DNAJC6: variants seen among roughly 807,000 people sequenced by gnomAD.
The protein encoded by DNAJC6 is auxilin.
In DNAJC6, 34 loss-of-function variants were observed where a neutral mutation model predicts 110.0. That is an observed-to-expected ratio of 0.31 (90% CI 0.24 to 0.41). The LOEUF is 0.41. DNAJC6 is among the 10% of genes least tolerant of loss of function. The probability of loss-of-function intolerance (pLI) is 1.00; values close to 1 mark genes in which losing one functional copy is unlikely to be tolerated. For missense variants in DNAJC6, 1,031 were observed against 1,207.8 expected (o/e 0.85, Z 2.17); for synonymous variants, 406 against 437.2 (o/e 0.93, Z 0.89).
chr1:65,301,320 C>T (rs1644976259), intron 1 of DNAJC6, among the ~76,000 whole-genome samples: 1 of 150,998 alleles, frequency 6.6e-6, no homozygotes, highest in Non-Finnish European at 1.5e-5. Flanking sequence ...ATCAAATGGG[C>T]ACTTCCCCCC....
At chr1:65,312,519 T>G (rs1270027692) in intron 1 of DNAJC6, among the ~76,000 whole-genome samples, 1 of 152,238 alleles carries the variant, frequency 6.6e-6, no homozygotes, top group Non-Finnish European at 1.5e-5. Flanking sequence ...TTCAACTGAT[T>G]GTACTGTGAC....
chr1:65,342,410 T>G (rs1410289500), intron 1 of DNAJC6, among the ~76,000 whole-genome samples: 1 of 152,168 alleles, frequency 6.6e-6, no homozygotes, highest in Non-Finnish European at 1.5e-5. Context: ...AGAACTTGCT[T>G]GTCTCTTTCA....
chr1:65,349,359 A>G (rs1456373003), intron 1 of DNAJC6, among the ~76,000 whole-genome samples: 2 of 151,960 alleles, frequency 1.3e-5, no homozygotes, highest in African/African-American at 4.8e-5. Flanking sequence ...TTTCAGATGC[A>G]TTAAGAGAAG....
intron 1 of DNAJC6, among the ~76,000 whole-genome samples, chr1:65,275,422 CCTTT>C (rs1408988140): frequency 6.6e-6 from 1 of 152,174 alleles, no homozygotes; most frequent in Non-Finnish European, 1.5e-5. Context: ...TGGTTTTCAT[CCTTT>C]CTTGGAAAAG....
At chr1:65,377,563 C>T (rs1186135435) in intron 4 of DNAJC6, among the ~76,000 whole-genome samples, 1 of 152,170 alleles carries the variant, frequency 6.6e-6, no homozygotes, top group African/African-American at 2.4e-5. Context: ...CCATACTTGT[C>T]TCTCCTAAAG....
intron 4 of DNAJC6, among the ~76,000 whole-genome samples, chr1:65,366,945 G>T (rs967456024): frequency 1.3e-5 from 2 of 152,086 alleles, no homozygotes; most frequent in African/African-American, 2.4e-5. Flanking sequence ...ACAATGCTGT[G>T]TATCTAGGAT....
rs914027646 is a variant in DNAJC6, at chr1:65,389,241, T to A, written c.1194-15T>A. On this transcript the variant is annotated splice_polypyrimidine_tract_variant and intron_variant, in intron 9 of 18. Transcript: ENST00000371069. ...TGTTTTTCACTGAATTTATCTTTTT[T>A]AAATCCCTATTTAGGCCTGAGTTAG... The A allele has an allele frequency of 6.2e-7, 1 of 1,607,772 alleles. No homozygotes were observed. Among genetic ancestry groups the A allele is most frequent in the South Asian group, 1.1e-5 (1 of 90,514 alleles).
chr1:65,380,911 G>GTTTTTTTTT (rs1312055301), intron 5 of DNAJC6, among the ~76,000 whole-genome samples: 38 of 114,880 alleles, frequency 3.3e-4, no homozygotes, highest in African/African-American at 9.4e-4. Flanking sequence ...TTTGTTTTTT[G>GTTTTTTTTT]TTTTGTTTTG....
chr1:65,274,803 A>G (rs916913671), intron 1 of DNAJC6, among the ~76,000 whole-genome samples: 4 of 152,140 alleles, frequency 2.6e-5, no homozygotes, highest in Non-Finnish European at 4.4e-5. Flanking sequence ...TTTGTGTCCC[A>G]TCTGTTTTAT....
chr1:65,380,927 T>G (rs1157505247), intron 5 of DNAJC6, among the ~76,000 whole-genome samples: 2 of 138,170 alleles, frequency 1.4e-5, no homozygotes, highest in African/African-American at 3.0e-5. Context: ...TTTTGTTTTT[T>G]TTTTTTTTTT....
chr1:65,276,044 G>A (rs767068729), intron 1 of DNAJC6, among the ~76,000 whole-genome samples: 4 of 151,986 alleles, frequency 2.6e-5, no homozygotes, highest in Non-Finnish European at 5.9e-5. Flanking sequence ...ACTATGCCTG[G>A]CTAATTTTTG....
intron 1 of DNAJC6, among the ~76,000 whole-genome samples, chr1:65,299,420 A>G (rs1344064991): frequency 6.6e-6 from 1 of 152,218 alleles, no homozygotes; most frequent in Non-Finnish European, 1.5e-5. Flanking sequence ...CACTGGTAAC[A>G]GAGTCAGGGG....
At chr1:65,375,481 A>G (rs1181041287) in intron 4 of DNAJC6, among the ~76,000 whole-genome samples, 3 of 149,184 alleles carry the variant, frequency 2.0e-5, no homozygotes, top group Non-Finnish European at 3.0e-5. Context: ...GCTGGAGTGC[A>G]GTTGTGCGAT....
At position 65,413,004 on chromosome 1, in the gene DNAJC6, A is replaced by T. The variant is rs563761748; in HGVS notation, c.2892A>T (p.Gln964His). Residue 964 changes from glutamine (Q) to histidine (H), a missense_variant, in exon 19 of 19, where the codon CAA becomes CAT. Coordinates refer to ENST00000371069, the MANE Select transcript of DNAJC6 (RefSeq NM_001256864.2). ...ATGCCTGGTCTGAATTTGAAAACCA[A>T]GGCCAAAAGCCCTTATATTAATTTA... The part of the protein sequence containing the change: ...LNDAWSEFEN[Q>H]GQKPLY 1 of 1,614,102 alleles carries T rather than the reference A, an allele frequency of 6.2e-7. No individual in the cohort carries two copies. The highest frequency in any genetic ancestry group is 1.1e-5 in the South Asian group (1 of 91,082).
At chr1:65,295,668 A>G (rs1644921987) in intron 1 of DNAJC6, among the ~76,000 whole-genome samples, 1 of 20,094 alleles carries the variant, frequency 5.0e-5, no homozygotes, top group African/African-American at 2.9e-4. Flanking sequence ...TATGTATTTC[A>G]TTCAAGTTCA....
At chr1:65,304,693 G>T (rs1645020847), upstream of DNAJC6, among the ~76,000 whole-genome samples, 1 of 152,196 alleles carries the variant, frequency 6.6e-6, no homozygotes, top group South Asian at 2.1e-4. Flanking sequence ...GTGGCCTAAA[G>T]ATGTGTCTTT....
intron 1 of DNAJC6, among the ~76,000 whole-genome samples, chr1:65,340,911 C>G (rs1171886457): frequency 6.6e-6 from 1 of 152,156 alleles, no homozygotes; most frequent in Non-Finnish European, 1.5e-5. Flanking sequence ...TGAAAGAAAT[C>G]TGAAAATTTG....
chr1:65,399,989 C>T (rs1055061390), intron 14 of DNAJC6, among the ~76,000 whole-genome samples: 2 of 152,016 alleles, frequency 1.3e-5, no homozygotes, highest in African/African-American at 2.4e-5. Context: ...ATGACCAGTC[C>T]GGGCAACATG....
Position 65,377,690 on chromosome 1 carries a change from A to AAACTC in DNAJC6, c.544-1709_544-1705dup, listed in dbSNP as rs1393906197. On this transcript the variant is annotated intron_variant, in intron 4 of 18. Transcript: ENST00000371069. The stretch of plus-strand genomic sequence containing the variant: ...GCTTTCTTGGCAGCCCCAGACAGAG[A>AAACTC]AACTCAATGTGTTTGCTTTTAGACG... 2.0e-5 allele frequency among the ~76,000 whole-genome samples: 3 copies of AAACTC among 152,302 alleles called. No individual in the cohort carries two copies. In the South Asian group the frequency reaches 6.2e-4, roughly 32 times the overall value.
Sources: gnomAD v4.1 joint callset for allele counts (sites outside exome capture counted in the v4.1 genomes callset) on GRCh38, gnomAD v4.1.1 for gene constraint, MANE v1.5 for transcripts, NCBI Gene and HGNC (gene_info 2026-07-23, HGNC 2026-07-21) for gene names.